Variants in PSG11 observed in about 807,000 individuals in gnomAD.
The protein encoded by PSG11 is pregnancy-specific beta-1-glycoprotein 11.
A neutral mutation model predicts 36.0 loss-of-function variants in PSG11; 42 were observed. The ratio of observed to expected loss-of-function variants is 1.17; its 90% CI spans 0.91 to 1.51. The LOEUF is 1.51. PSG11 is among the 40% of genes most tolerant of loss of function. The pLI, the probability that PSG11 is intolerant of heterozygous loss-of-function variation, is 0.00. For synonymous variants in PSG11, 206 were observed against 153.5 expected (o/e 1.34, Z -2.53); for missense variants, 558 against 403.5 (o/e 1.38, Z -3.28).
intron 4 of PSG11, chr19:43,014,058 A>C (rs1278610029): frequency 2.0e-5 from 3 of 151,506 alleles, no homozygotes; most frequent in African/African-American, 7.3e-5. Flanking sequence ...TAAAAGATAG[A>C]GTAGCCAGTT....
intron 3 of PSG11, chr19:43,018,335 G>A (rs1016672925): frequency 9.4e-6 from 3 of 318,300 alleles, no homozygotes; most frequent in South Asian, 7.5e-5. Context: ...GGTAATAGGT[G>A]TATGAGGAAG....
intron 1 of PSG11, 45 bp from the exon 2 acceptor site, chr19:43,025,101 TG>T: frequency 6.3e-7 from 1 of 1,577,368 alleles, no homozygotes; most frequent in African/African-American, 1.4e-5. Context: ...ACCTATGTAT[TG>T]GGGTGAAAAG....
intron 3 of PSG11, 200 bp downstream of exon 3, chr19:43,018,570 A>T: frequency 1.6e-6 from 2 of 1,287,076 alleles, no homozygotes; most frequent in Non-Finnish European, 2.2e-6. Flanking sequence ...GCCTCCCATG[A>T]CAGGAGCAGC....
At position 43,026,170 on chromosome 19, in the gene PSG11, T is replaced by G. The variant is rs572748584; in HGVS notation, c.64+139A>C. 1.8e-5 allele frequency: 24 copies of G among 1,333,412 alleles called. No individual in the cohort carries two copies. In the African/African-American group the frequency reaches 3.0e-4, roughly 17 times the overall value. 82.6% of individuals were successfully genotyped at this position (1,333,412 alleles called of 1,614,324 possible). ...GTTGGCTGGACTGATCTTGAACTCC[T>G]GATCTCGTGATCCACCCACCTCAGC... On this transcript the variant is annotated intron_variant, in intron 1 of 5. Coordinates refer to ENST00000320078, the MANE Select transcript of PSG11 (RefSeq NM_002785.3).
intron 2 of PSG11, chr19:43,019,823 A>C (rs1967060379): frequency 6.6e-6 from 1 of 151,646 alleles, no homozygotes; most frequent in Non-Finnish European, 1.5e-5. Context: ...GGTGAGGACC[A>C]TGTGGATCTT....
At position 43,015,163 on chromosome 19, in the gene PSG11, G is replaced by T. The variant is rs1193278040; in HGVS notation, c.917C>A (p.Ser306Ter). 6.8e-6 allele frequency: 11 copies of T among 1,611,954 alleles called. No homozygotes were observed. The highest frequency in any genetic ancestry group is 3.3e-4 in the Middle Eastern group (2 of 6,054). ...TGTGGAGCTTTCCTCGCCAGTGGCTGAGTTACGAGCAGAGCAAGCATAGAG... is the reference window on the plus strand; with the variant it reads ...TGTGGAGCTTTCCTCGCCAGTGGCTTAGTTACGAGCAGAGCAAGCATAGAG... ...NGLYACSARN[S>*]ATGEESSTSL... Residue 306 changes from serine (S) to a stop codon, truncating the protein, a stop_gained, in exon 4 of 6, where the codon TCA (serine) becomes TAA (stop). Coordinates refer to ENST00000320078, the MANE Select transcript of PSG11 (RefSeq NM_002785.3). LOFTEE classifies it high-confidence loss of function.
At position 43,018,769 on chromosome 19, in the gene PSG11, C is replaced by T. The variant is rs369657199; in HGVS notation, c.709+1G>A. ...CTCACAGAGGAACAGAAGATACTCA[C>T]GGAGGAGATTCAGGGTGACTGGGTC... On this transcript the variant is annotated splice_donor_variant, in intron 3 of 5. Transcript: ENST00000320078. LOFTEE classifies it high-confidence loss of function. The T allele has an allele frequency of 9.3e-6, 15 of 1,611,944 alleles. 2 individuals carry two copies. Among genetic ancestry groups the T allele is most frequent in the South Asian group, 4.4e-5 (4 of 90,848 alleles).
rs1974033083 is a variant in PSG11, at chr19:43,010,011, T to C, written c.995A>G (p.Asn332Ser). ...APPGLGTFAF[N>S]NPT is the part of the protein sequence containing the mutation. ...ACATCACGGCTGCTACGTTGGATTA[T>C]TGAAAGCAAAAGTTCCTAATCCTGG... The change falls in exon 5 of 6, where the codon AAT becomes AGT. Residue 332 changes from asparagine to serine, a missense_variant. Coordinates refer to ENST00000320078, the MANE Select transcript of PSG11 (RefSeq NM_002785.3). 1.2e-6 allele frequency: 2 copies of C among 1,609,402 alleles called. No individual in the cohort carries two copies. Among genetic ancestry groups the C allele is most frequent in the African/African-American group, 1.3e-5 (1 of 74,298 alleles).
chr19:43,026,047 T>G (rs1439641379), intron 1 of PSG11, among the ~76,000 whole-genome samples: 1 of 147,956 alleles, frequency 6.8e-6, no homozygotes, highest in African/African-American at 2.5e-5. Flanking sequence ...GTTCACGTGA[T>G]TCTCCTGCCT....
rs192745224 is a variant in PSG11 at position 43,023,708 on chromosome 19, A to C, written c.430+983T>G. Among the ~76,000 whole-genome samples the C allele has an allele frequency of 2.7e-3, 411 of 151,282 alleles. 16 individuals are homozygous for C. Among genetic ancestry groups the C allele is most frequent in the African/African-American group, 9.6e-3 (393 of 41,028 alleles). On this transcript the variant is annotated intron_variant, in intron 2 of 5. Transcript: ENST00000320078. ...GGGCCTGTGGCTGCAGACAGACCTC[A>C]TGTGACCCTGATCTCCCCTTTGCGT...
chr19:43,019,527 C>T (rs1967052996), intron 2 of PSG11: 2 of 167,684 alleles, frequency 1.2e-5, no homozygotes, highest in South Asian at 2.9e-4. Flanking sequence ...CCTTTGGGTA[C>T]TGGAAAGCCT....
Position 43,022,785 on chromosome 19 carries a change from G to T in PSG11, c.430+1906C>A, listed in dbSNP as rs539773086. On this transcript the variant is annotated intron_variant, in intron 2 of 5. Transcript: ENST00000320078. The stretch of plus-strand genomic sequence containing the variant: ...CTTAGTGACCTGGGGACATTGGCTC[G>T]AGATGAAGCCTGGCAGGAGTGGCAA... Among the ~76,000 whole-genome samples, 138 of 151,094 alleles carry T rather than the reference G, an allele frequency of 9.1e-4. No individual in the cohort carries two copies. The Middle Eastern group carries it at 0.01, about 11-fold the overall frequency.
chr19:43,020,507 T>A (rs1469562435), intron 2 of PSG11, among the ~76,000 whole-genome samples: 1 of 151,136 alleles, frequency 6.6e-6, no homozygotes, highest in African/African-American at 2.4e-5. Flanking sequence ...AAAAAAAAAA[T>A]TTGGAGGAAA....
intron 4 of PSG11, among the ~76,000 whole-genome samples, chr19:43,011,493 A>G (rs1974075122): frequency 6.6e-6 from 1 of 151,394 alleles, no homozygotes; most frequent in South Asian, 2.1e-4. Context: ...AAATTAATGA[A>G]ACCAAAAGTT....
intron 2 of PSG11, chr19:43,019,369 C>T: frequency 5.1e-6 from 2 of 392,966 alleles, no homozygotes; most frequent in Non-Finnish European, 8.8e-6. Flanking sequence ...CCTGCCTGGC[C>T]CACCTTTTGG....
Position 43,018,853 on chromosome 19 carries a change from T to C in PSG11, c.626A>G (p.Lys209Arg). ...ACATTCATAGGGTCCTGCAGTATACTTTGTGACACCAAATAGAAAGAGGGT... is the reference window on the plus strand; with the variant it reads ...ACATTCATAGGGTCCTGCAGTATACCTTGTGACACCAAATAGAAAGAGGGT... ...NRTLFLFGVT[K>R]YTAGPYECEI... The change falls in exon 3 of 6, where the codon AAG (lysine) becomes AGG (arginine). Residue 209 changes from lysine to arginine, a missense_variant. By Grantham distance (26) the Lys-to-Arg change is conservative. Transcript: ENST00000320078. 6.2e-7 allele frequency: 1 copy of C among 1,612,110 alleles called. No homozygotes were observed. Among genetic ancestry groups the C allele is most frequent in the Non-Finnish European group, 8.5e-7 (1 of 1,179,050 alleles).
chr19:43,017,105 C>G (rs1438915515), intron 3 of PSG11: 1 of 151,318 alleles, frequency 6.6e-6, no homozygotes, highest in African/African-American at 2.4e-5. Flanking sequence ...TGGGGAGAAT[C>G]AGAAGTTGTT....
intron 3 of PSG11, among the ~76,000 whole-genome samples, chr19:43,016,315 A>G (rs900475644): frequency 7.3e-5 from 11 of 151,336 alleles, no homozygotes; most frequent in African/African-American, 2.7e-4. Context: ...AGTGGGAGTC[A>G]CAGCCCCTGG....
rs1391881074 is a variant in PSG11 at position 43,007,753 on chromosome 19, A to G, written c.*330T>C. On this transcript the variant is annotated 3_prime_UTR_variant, in exon 6 of 6. Transcript: ENST00000320078. The stretch of plus-strand genomic sequence containing the variant: ...TCAGAGAGCAAAAGCAAATGTTTCA[A>G]TTTTTGTTTACAAAAGTATACTTTA... 1 of 233,356 alleles carries G rather than the reference A, an allele frequency of 4.3e-6. No individual in the cohort carries two copies. The highest frequency in any genetic ancestry group is 8.6e-6 in the Non-Finnish European group (1 of 115,796). 14.5% of individuals were successfully genotyped at this position (233,356 alleles called of 1,614,324 possible). A position where few individuals can be genotyped will look rare whatever the true frequency, so the allele number is the denominator to read the frequency against.
Sources: gnomAD v4.1 joint callset for allele counts (sites outside exome capture counted in the v4.1 genomes callset) on GRCh38, gnomAD v4.1.1 for gene constraint, MANE v1.5 for transcripts, NCBI Gene and HGNC (gene_info 2026-07-23, HGNC 2026-07-21) for gene names.